The following CNTNAP5 variants were observed in gnomAD, a reference collection of about 807,000 sequenced individuals.
CNTNAP5 encodes the protein contactin-associated protein-like 5.
In CNTNAP5, 72 loss-of-function variants were observed where a neutral mutation model predicts 150.2. The observed-to-expected ratio is 0.48, with a 90% CI of 0.40 to 0.58. CNTNAP5 has a LOEUF of 0.58. CNTNAP5 is among the 20% of genes least tolerant of loss of function. CNTNAP5 has a pLI of 0.00. For missense variants in CNTNAP5, 1,636 were observed against 1,626.2 expected (o/e 1.01, Z -0.10); for synonymous variants, 672 against 619.8 (o/e 1.08, Z -1.25).
At chr2:124,497,565 T>A (rs1694179430) in intron 7 of CNTNAP5, among the ~76,000 whole-genome samples, 1 of 152,234 alleles carries the variant, frequency 6.6e-6, no homozygotes, top group Non-Finnish European at 1.5e-5. Flanking sequence ...CAAAGGATTA[T>A]GTTTAATCAT....
At chr2:124,129,105 A>AAAAG (rs964286887) in intron 1 of CNTNAP5, among the ~76,000 whole-genome samples, 2 of 152,224 alleles carry the variant, frequency 1.3e-5, no homozygotes, top group Admixed American at 6.5e-5. Context: ...AACAGAAAAA[A>AAAAG]AAAGAAAGAA....
intron 10 of CNTNAP5, among the ~76,000 whole-genome samples, chr2:124,559,643 C>T (rs1211920982): frequency 1.3e-5 from 2 of 152,210 alleles, no homozygotes; most frequent in East Asian, 3.9e-4. Context: ...CTTTCCACTT[C>T]CCAGTTCTAT....
At chr2:124,573,819 T>C (rs1696217756) in intron 11 of CNTNAP5, among the ~76,000 whole-genome samples, 1 of 152,200 alleles carries the variant, frequency 6.6e-6, no homozygotes, top group Non-Finnish European at 1.5e-5. Flanking sequence ...TCAGACAAAT[T>C]ATTTAACTTC....
chr2:124,778,679 T>C (rs1419465351), intron 17 of CNTNAP5: 2 of 152,652 alleles, frequency 1.3e-5, no homozygotes, highest in African/African-American at 4.8e-5. Flanking sequence ...CAAAAGGGGC[T>C]TGTTTTCCAA....
intron 1 of CNTNAP5, among the ~76,000 whole-genome samples, chr2:124,191,238 T>C (rs1254564759): frequency 2.0e-5 from 3 of 152,188 alleles, no homozygotes; most frequent in South Asian, 2.1e-4. Context: ...ATGACACAGA[T>C]CTGGTTGTTC....
At chr2:124,676,511 C>A (rs994833749) in intron 13 of CNTNAP5, among the ~76,000 whole-genome samples, 1 of 152,230 alleles carries the variant, frequency 6.6e-6, no homozygotes, top group Non-Finnish European at 1.5e-5. Flanking sequence ...AAGATTTCAA[C>A]AAATGCTATG....
At chr2:124,893,065 G>T (rs986140014) in intron 21 of CNTNAP5, among the ~76,000 whole-genome samples, 5 of 152,056 alleles carry the variant, frequency 3.3e-5, no homozygotes, top group African/African-American at 1.2e-4. Flanking sequence ...TATGAAAAAC[G>T]TGTATAGAAT....
chr2:124,657,150 G>A (rs562340144), intron 13 of CNTNAP5, among the ~76,000 whole-genome samples: 5 of 152,282 alleles, frequency 3.3e-5, no homozygotes, highest in African/African-American at 9.6e-5. Flanking sequence ...AAAGAGTTCA[G>A]TTGTGGAGCT....
At chr2:124,150,811 T>C (rs886342668) in intron 1 of CNTNAP5, among the ~76,000 whole-genome samples, 1 of 152,230 alleles carries the variant, frequency 6.6e-6, no homozygotes, top group East Asian at 1.9e-4. Flanking sequence ...ACATTGGGAA[T>C]TAAGGCTTCA....
chr2:124,741,158 G>A (rs1680489546), intron 13 of CNTNAP5, among the ~76,000 whole-genome samples: 1 of 152,136 alleles, frequency 6.6e-6, no homozygotes, highest in Non-Finnish European at 1.5e-5. Flanking sequence ...AGAATCTAAG[G>A]CTATGAGAAT....
intron 19 of CNTNAP5, among the ~76,000 whole-genome samples, chr2:124,835,198 A>G (rs1325132576): frequency 1.3e-5 from 2 of 152,130 alleles, no homozygotes; most frequent in African/African-American, 4.8e-5. Context: ...ATATTGGCAA[A>G]CAAATTGTAT....
chr2:124,736,127 G>T (rs1398385843), intron 13 of CNTNAP5, among the ~76,000 whole-genome samples: 1 of 152,124 alleles, frequency 6.6e-6, no homozygotes, highest in Non-Finnish European at 1.5e-5. Context: ...CTATTCGAGA[G>T]ACTGAGGTGG....
Position 124,599,108 on chromosome 2 carries a change from G to T in CNTNAP5, c.1757-10693G>T, listed in dbSNP as rs1031308828. Reference sequence around the variant, plus strand: ...AATGCAGAAATCACCCGTCTTCTGCGTCGCTCACGCTGGGAGCTGTAGACC... The same window carrying T: ...AATGCAGAAATCACCCGTCTTCTGCTTCGCTCACGCTGGGAGCTGTAGACC... On this transcript the variant is annotated intron_variant, in intron 11 of 23. Coordinates refer to ENST00000682447, the MANE Select transcript of CNTNAP5 (RefSeq NM_001367498.1). Among the ~76,000 whole-genome samples, 4 of 152,196 alleles carry T rather than the reference G, an allele frequency of 2.6e-5. No individual in the cohort carries two copies. The East Asian group carries it at 7.8e-4, about 29-fold the overall frequency.
intron 1 of CNTNAP5, among the ~76,000 whole-genome samples, chr2:124,099,426 G>A (rs577858350): frequency 3.3e-5 from 5 of 152,290 alleles, no homozygotes; most frequent in South Asian, 4.1e-4. Context: ...GGCAAAATCT[G>A]TCATATTCAC....
intron 19 of CNTNAP5, among the ~76,000 whole-genome samples, chr2:124,809,907 C>G (rs1682168218): frequency 6.6e-6 from 1 of 152,082 alleles, no homozygotes; most frequent in African/African-American, 2.4e-5. Context: ...ACGGCACACA[C>G]AAAGGCAAAG....
intron 6 of CNTNAP5, among the ~76,000 whole-genome samples, chr2:124,458,115 CAT>C (rs1312981771): frequency 6.6e-6 from 1 of 151,010 alleles, no homozygotes; most frequent in Non-Finnish European, 1.5e-5. Context: ...CTTGCACACA[CAT>C]GTTTATAGCA....
intron 1 of CNTNAP5, among the ~76,000 whole-genome samples, chr2:124,189,816 G>A (rs1685419437): frequency 6.6e-6 from 1 of 152,134 alleles, no homozygotes; most frequent in Admixed American, 6.5e-5. Flanking sequence ...GTAACAATGG[G>A]TTCATCTAAA....
intron 10 of CNTNAP5, among the ~76,000 whole-genome samples, chr2:124,536,657 CA>C (rs1695237950): frequency 6.6e-6 from 1 of 152,048 alleles, no homozygotes. Flanking sequence ...AGCCTGTTAC[CA>C]AAAGGCCAGA....
At chr2:124,828,735 C>CA (rs60339676) in intron 19 of CNTNAP5, among the ~76,000 whole-genome samples, 253 of 23,110 alleles carry the variant, frequency 0.011, 74 homozygotes, top group South Asian at 0.025. Flanking sequence ...CAAGTGTTGG[C>CA]AAAAAAAAAA....
Sources: allele counts gnomAD v4.1 joint callset (sites outside exome capture counted in the v4.1 genomes callset), GRCh38; gene constraint gnomAD v4.1.1; transcripts MANE v1.5; gene names NCBI Gene and HGNC (gene_info 2026-07-23, HGNC 2026-07-21).